MICU1: variants seen among roughly 807,000 people sequenced by gnomAD.
MICU1 encodes mitochondrial calcium uptake 1.
MICU1 carries 45 observed loss-of-function variants against 56.8 expected under a neutral mutation model. The ratio of observed to expected loss-of-function variants is 0.79; its 90% CI spans 0.62 to 1.02. The LOEUF is 1.02. Among genes scored for constraint, MICU1 ranks in the 50% least tolerant of loss-of-function variants. MICU1 has a pLI of 0.00. For synonymous variants in MICU1, 186 were observed against 195.1 expected (o/e 0.95, Z 0.39); for missense variants, 504 against 587.1 (o/e 0.86, Z 1.46).
chr10:72,477,298 AAAAT>A, intron 6 of MICU1, 42 bp from the exon 7 acceptor site: 2 of 1,431,830 alleles, frequency 1.4e-6, no homozygotes, highest in Non-Finnish European at 1.9e-6. Context: ...GCATTGACCA[AAAAT>A]AAATCCCTTT....
At chr10:72,390,890 G>A (rs1386536568) in intron 10 of MICU1, among the ~76,000 whole-genome samples, 1 of 152,222 alleles carries the variant, frequency 6.6e-6, no homozygotes, top group Non-Finnish European at 1.5e-5. Context: ...CTTCTTGAGG[G>A]TGGAACCCTG....
At chr10:72,483,878 A>T (rs906112817) in intron 6 of MICU1, 25 of 152,274 alleles carry the variant, frequency 1.6e-4, no homozygotes, top group African/African-American at 6.0e-4. Context: ...AAAACAAAAA[A>T]ACCACATAGA....
chr10:72,588,698 G>A (rs1841135696), intron 1 of MICU1, among the ~76,000 whole-genome samples: 1 of 152,194 alleles, frequency 6.6e-6, no homozygotes, highest in Admixed American at 6.5e-5. Flanking sequence ...GCATTTTGAC[G>A]AGATAATGCT....
intron 8 of MICU1, among the ~76,000 whole-genome samples, chr10:72,438,216 A>C (rs1864798816): frequency 6.6e-6 from 1 of 152,214 alleles, no homozygotes; most frequent in African/African-American, 2.4e-5. Context: ...CCACAGTGCA[A>C]TCAAATTAGA....
chr10:72,562,891 A>G lies in MICU1; in HGVS notation c.330+4T>C, dbSNP rs550097583. On this transcript the variant is annotated splice_donor_region_variant and intron_variant, in intron 3 of 11. Transcript: ENST00000361114. Reference sequence around the variant, plus strand: ...TGATCAACTTATAAGACTATGTTTCATACTTTTCTGTCTCTGAATCCAGAA... The same window carrying G: ...TGATCAACTTATAAGACTATGTTTCGTACTTTTCTGTCTCTGAATCCAGAA... The G allele has an allele frequency of 5.7e-6, 9 of 1,583,090 alleles. No homozygotes were observed. The South Asian group carries it at 8.3e-5, about 15-fold the overall frequency.
chr10:72,485,479 C>A (rs1866439072), intron 6 of MICU1, among the ~76,000 whole-genome samples: 1 of 151,332 alleles, frequency 6.6e-6, no homozygotes, highest in African/African-American at 2.4e-5. Context: ...ATATATATAA[C>A]CAGGATTATA....
chr10:72,616,127 T>C (rs1472620941), intron 1 of MICU1, among the ~76,000 whole-genome samples: 1 of 152,254 alleles, frequency 6.6e-6, no homozygotes, highest in Non-Finnish European at 1.5e-5. Context: ...CTGTTTTGGT[T>C]TCTAATTTTC....
chr10:72,466,444 C>A (rs943163268), intron 8 of MICU1, among the ~76,000 whole-genome samples: 2 of 152,154 alleles, frequency 1.3e-5, no homozygotes, highest in Non-Finnish European at 1.5e-5. Context: ...TACTCTTTAA[C>A]AAACTCTTCC....
intron 10 of MICU1, among the ~76,000 whole-genome samples, chr10:72,382,536 G>C (rs1589155553): frequency 2.0e-5 from 3 of 152,306 alleles, no homozygotes; most frequent in East Asian, 3.9e-4. Context: ...CCTGATTAGA[G>C]AGTTAGAACA....
chr10:72,537,757 G>A (rs1839673135), intron 4 of MICU1, among the ~76,000 whole-genome samples: 1 of 152,056 alleles, frequency 6.6e-6, no homozygotes, highest in Non-Finnish European at 1.5e-5. Context: ...TAGAGTATAT[G>A]TAAAAGTAGA....
At chr10:72,375,289 C>G (rs1440610372) in intron 11 of MICU1, among the ~76,000 whole-genome samples, 1 of 152,122 alleles carries the variant, frequency 6.6e-6, no homozygotes, top group African/African-American at 2.4e-5. Context: ...ATGCCAAGGT[C>G]AAACCAGAAC....
intron 10 of MICU1, among the ~76,000 whole-genome samples, chr10:72,383,998 AT>A (rs201758578): frequency 2.1e-5 from 3 of 139,758 alleles, no homozygotes; most frequent in East Asian, 2.0e-4. Flanking sequence ...TTAAAAAAAA[AT>A]TTTTTTTTAA....
chr10:72,415,018 T>C (rs1338068107), intron 9 of MICU1, among the ~76,000 whole-genome samples: 1 of 150,050 alleles, frequency 6.7e-6, no homozygotes, highest in Non-Finnish European at 1.5e-5. Flanking sequence ...GCTTAGTTTT[T>C]TTTTTTTTTT....
chr10:72,546,736 CTA>C (rs1839901531), intron 4 of MICU1, among the ~76,000 whole-genome samples: 1 of 151,996 alleles, frequency 6.6e-6, no homozygotes, highest in African/African-American at 2.4e-5. Context: ...ATTATTATTA[CTA>C]TTATTGAGAC....
At chr10:72,402,236 A>G (rs1863478799) in intron 10 of MICU1, among the ~76,000 whole-genome samples, 1 of 152,164 alleles carries the variant, frequency 6.6e-6, no homozygotes, top group Non-Finnish European at 1.5e-5. Flanking sequence ...TATCAAGCAC[A>G]GAGACAGGAG....
chr10:72,468,294 C>CTTT (rs35225891), intron 8 of MICU1, among the ~76,000 whole-genome samples: 2 of 136,650 alleles, frequency 1.5e-5, no homozygotes, highest in African/African-American at 2.7e-5. Context: ...TTAGTTTTTG[C>CTTT]TTTTTTTTTT....
At chr10:72,541,141 TA>T (rs1449409544) in intron 4 of MICU1, among the ~76,000 whole-genome samples, 1 of 152,244 alleles carries the variant, frequency 6.6e-6, no homozygotes, top group Non-Finnish European at 1.5e-5. Context: ...TAGCTGTCCT[TA>T]CTCATTCCCG....
Position 72,555,203 on chromosome 10 carries a change from T to C in MICU1, c.331-3862A>G, listed in dbSNP as rs1294568011. Reference sequence around the variant, plus strand: ...AACATGAAGATCATTATCATAATTATTTCCCCTAAGAAAGAGGGGCTATGA... The same window carrying C: ...AACATGAAGATCATTATCATAATTACTTCCCCTAAGAAAGAGGGGCTATGA... On this transcript the variant is annotated intron_variant, in intron 3 of 11. Coordinates refer to ENST00000361114, the MANE Select transcript of MICU1 (RefSeq NM_001195518.2). Among the ~76,000 whole-genome samples the C allele has an allele frequency of 2.0e-5, 3 of 152,178 alleles. No homozygotes were observed. The East Asian group carries it at 5.8e-4, about 29-fold the overall frequency.
chr10:72,457,408 G>A (rs573295634), intron 8 of MICU1, among the ~76,000 whole-genome samples: 6 of 149,232 alleles, frequency 4.0e-5, no homozygotes, highest in African/African-American at 1.5e-4. Context: ...TGGTAGTAGA[G>A]ATGGGTCTCA....
Sources: gnomAD v4.1 joint callset for allele counts (sites outside exome capture counted in the v4.1 genomes callset) on GRCh38, gnomAD v4.1.1 for gene constraint, MANE v1.5 for transcripts, NCBI Gene and HGNC (gene_info 2026-07-23, HGNC 2026-07-21) for gene names.